Variants in PFDN1 observed in about 807,000 individuals in gnomAD.
PFDN1 encodes prefoldin 1.
PFDN1 carries 6 observed loss-of-function variants against 17.3 expected under a neutral mutation model. That is an observed-to-expected ratio of 0.35 (90% CI 0.19 to 0.69). The LOEUF is 0.69. PFDN1 is among the 30% of genes least tolerant of loss of function. The pLI is 0.65. For missense variants in PFDN1, 113 were observed against 146.2 expected (o/e 0.77, Z 1.17); for synonymous variants, 58 against 50.1 (o/e 1.16, Z -0.67).
intron 2 of PFDN1, among the ~76,000 whole-genome samples, chr5:140,298,818 A>C (rs1290191966): frequency 6.6e-6 from 1 of 151,804 alleles, no homozygotes; most frequent in Non-Finnish European, 1.5e-5. Context: ...GTAATGGCGC[A>C]ATCTCGGCTC....
intron 3 of PFDN1, among the ~76,000 whole-genome samples, chr5:140,267,417 C>G (rs1765147821): frequency 6.6e-6 from 1 of 152,204 alleles, no homozygotes; most frequent in Admixed American, 6.5e-5. Flanking sequence ...CTAGCACAAC[C>G]GCTGAATCCG....
intron 3 of PFDN1, among the ~76,000 whole-genome samples, chr5:140,269,036 G>A (rs1581087518): frequency 6.6e-6 from 1 of 151,974 alleles, no homozygotes; most frequent in African/African-American, 2.4e-5. Flanking sequence ...TTTTGAGATG[G>A]GGGGCTCGCT....
intron 3 of PFDN1, among the ~76,000 whole-genome samples, chr5:140,261,981 T>A (rs1765071885): frequency 6.6e-6 from 1 of 152,026 alleles, no homozygotes; most frequent in Non-Finnish European, 1.5e-5. Context: ...CCACACCCAC[T>A]AAGTTACCAT....
Position 140,303,021 on chromosome 5 carries a change from TG to T in PFDN1, c.33+19del. On this transcript the variant is annotated intron_variant, in intron 1 of 3. Transcript: ENST00000261813. ...AGCCTCCAAAAAGAAGACCTCCGCC[TG>T]CCAAAGACCCTCTTTTACCTTCTTC... 1 of 1,589,380 alleles carries T rather than the reference TG, an allele frequency of 6.3e-7. No homozygotes were observed. Among genetic ancestry groups the T allele is most frequent in the Non-Finnish European group, 8.6e-7 (1 of 1,157,414 alleles).
At chr5:140,265,085 A>G (rs920412291) in intron 3 of PFDN1, among the ~76,000 whole-genome samples, 9 of 152,120 alleles carry the variant, frequency 5.9e-5, no homozygotes, top group Non-Finnish European at 1.3e-4. Flanking sequence ...TATCTGCTAT[A>G]CTTTAAAAGG....
Position 140,303,053 on chromosome 5 carries a change from T to C in PFDN1, c.21A>G (p.Leu7=), listed in dbSNP as rs1422692932. 2 of 1,612,496 alleles carry C rather than the reference T, an allele frequency of 1.2e-6. No homozygotes were observed. Among genetic ancestry groups the C allele is most frequent in the Non-Finnish European group, 1.7e-6 (2 of 1,178,540 alleles). ...GACCCTCTTTTACCTTCTTCAGCTCTAGATCCACGGGGGCGGCCATCTTGG... is the reference window on the plus strand; with the variant it reads ...GACCCTCTTTTACCTTCTTCAGCTCCAGATCCACGGGGGCGGCCATCTTGG... MAAPVD[L]ELKKAFTELQ... Residue 7 remains leucine, a synonymous_variant, in exon 1 of 4, where the codon CTA becomes CTG. Transcript: ENST00000261813.
intron 2 of PFDN1, among the ~76,000 whole-genome samples, chr5:140,299,990 C>T (rs1450983677): frequency 7.2e-5 from 11 of 152,056 alleles, no homozygotes; most frequent in African/African-American, 2.7e-4. Flanking sequence ...CCAGCCTGGG[C>T]GATATAGCGA....
intron 3 of PFDN1, among the ~76,000 whole-genome samples, chr5:140,252,718 G>A (rs1256975587): frequency 1.3e-5 from 2 of 152,284 alleles, no homozygotes; most frequent in Middle Eastern, 3.4e-3. Flanking sequence ...TGTTTTGATG[G>A]GGGACAAGGT....
chr5:140,290,716 A>G (rs1435011815), intron 2 of PFDN1, among the ~76,000 whole-genome samples: 1 of 152,168 alleles, frequency 6.6e-6, no homozygotes, highest in Non-Finnish European at 1.5e-5. Flanking sequence ...GAGTGATGAA[A>G]ATGTTCTTTA....
At chr5:140,247,459 T>C (rs1054874919) in intron 3 of PFDN1, among the ~76,000 whole-genome samples, 1 of 152,180 alleles carries the variant, frequency 6.6e-6, no homozygotes. Flanking sequence ...ATGATACATA[T>C]AGAGGCTTTT....
chr5:140,284,349 A>T (rs1765454219), intron 2 of PFDN1, among the ~76,000 whole-genome samples: 1 of 152,194 alleles, frequency 6.6e-6, no homozygotes, highest in Non-Finnish European at 1.5e-5. Flanking sequence ...TTCAAACACA[A>T]AAACTTATGG....
chr5:140,254,369 C>T lies in PFDN1; in HGVS notation c.286-8312G>A, dbSNP rs1459244341. On this transcript the variant is annotated intron_variant, in intron 3 of 3. Transcript: ENST00000261813. This position sits in a 1 kb window ranked among gnomAD's most constrained non-coding sequence, Gnocchi z 4.4. ...TTCCATCTGTCCATCCTTCCATCCA[C>T]TCATTCAGCTCACTGCCAAACCATT... Among the ~76,000 whole-genome samples, 2 of 152,222 alleles carry T rather than the reference C, an allele frequency of 1.3e-5. No individual in the cohort carries two copies. The highest frequency in any genetic ancestry group is 2.9e-5 in the Non-Finnish European group (2 of 68,038).
Position 140,246,129 on chromosome 5 carries a change from T to C in PFDN1, c.286-72A>G. 3 of 903,286 alleles carry C rather than the reference T, an allele frequency of 3.3e-6. 1 individual carries two copies. In the South Asian group the frequency reaches 4.2e-5, roughly 13 times the overall value. 56.0% of individuals were successfully genotyped at this position (903,286 alleles called of 1,614,324 possible). On this transcript the variant is annotated intron_variant, in intron 3 of 3. Coordinates refer to ENST00000261813, the MANE Select transcript of PFDN1 (RefSeq NM_002622.5). ...CGGGCTGGAAGACACAGCTTTGATG[T>C]CCAATGGTTATGGCTTTTCCTTTGT...
chr5:140,301,404 T>C (rs916940721), intron 1 of PFDN1, among the ~76,000 whole-genome samples: 30 of 152,356 alleles, frequency 2.0e-4, no homozygotes, highest in African/African-American at 6.5e-4. Flanking sequence ...TTGGATACTT[T>C]TGTTGAAGTG....
intron 3 of PFDN1, among the ~76,000 whole-genome samples, chr5:140,251,192 T>C (rs1764908114): frequency 6.6e-6 from 1 of 152,158 alleles, no homozygotes; most frequent in Non-Finnish European, 1.5e-5. Context: ...TGCCTCAGCC[T>C]CCCAAAGTGC....
intron 3 of PFDN1, among the ~76,000 whole-genome samples, chr5:140,255,743 C>G (rs1764976483): frequency 6.6e-6 from 1 of 152,188 alleles, no homozygotes; most frequent in African/African-American, 2.4e-5. Flanking sequence ...ACCTTCCTTT[C>G]TTCTTAATCT....
chr5:140,254,072 G>A lies in PFDN1; in HGVS notation c.286-8015C>T, dbSNP rs1764953011. Among the ~76,000 whole-genome samples the A allele has an allele frequency of 6.6e-6, 1 of 152,152 alleles. No individual in the cohort carries two copies. Among genetic ancestry groups the A allele is most frequent in the Non-Finnish European group, 1.5e-5 (1 of 68,024 alleles). On this transcript the variant is annotated intron_variant, in intron 3 of 3. Coordinates refer to ENST00000261813, the MANE Select transcript of PFDN1 (RefSeq NM_002622.5). This position sits in a 1 kb window ranked among gnomAD's most constrained non-coding sequence, Gnocchi z 4.4. ...AAGGGCCAGATAATAAATATTTCAG[G>A]CTTTCACTGTGGGGTTATCTCTGTT...
chr5:140,269,558 A>G (rs924251379), intron 3 of PFDN1, among the ~76,000 whole-genome samples: 3 of 152,224 alleles, frequency 2.0e-5, no homozygotes, highest in Non-Finnish European at 4.4e-5. Flanking sequence ...ACCTCAGATC[A>G]TCTGCCCGCC....
At chr5:140,265,988 T>A (rs1408440406) in intron 3 of PFDN1, among the ~76,000 whole-genome samples, 2 of 152,172 alleles carry the variant, frequency 1.3e-5, no homozygotes, top group African/African-American at 4.8e-5. Context: ...GTCCACACTA[T>A]TCCTTGATTT....
Sources: gnomAD v4.1 joint callset for allele counts (sites outside exome capture counted in the v4.1 genomes callset) on GRCh38, gnomAD v4.1.1 for gene constraint, Gnocchi (gnomAD v3.1) non-coding constraint, MANE v1.5 for transcripts, NCBI Gene and HGNC (gene_info 2026-07-23, HGNC 2026-07-21) for gene names.